BRAF: variants seen among roughly 807,000 people sequenced by gnomAD.
BRAF encodes serine/threonine-protein kinase B-raf.
Under a neutral mutation model 104.6 loss-of-function variants are expected in BRAF, and 16 were observed. That is an observed-to-expected ratio of 0.15 (90% CI 0.10 to 0.23). The LOEUF (loss-of-function observed/expected upper bound fraction) is 0.23. Ranked by LOEUF, BRAF falls within the 10% of genes least tolerant of loss-of-function variation. BRAF has a pLI of 1.00. For missense variants in BRAF, 541 were observed against 937.3 expected, an observed-to-expected ratio of 0.58 and a Z score of 5.52; for synonymous variants, 310 against 341.6, an observed-to-expected ratio of 0.91 and a Z score of 1.02.
In BRAF at chr7:140,720,024, A is replaced by G; in HGVS notation, c.*6470T>C. On this transcript the variant is annotated 3_prime_UTR_variant, in exon 20 of 20. Coordinates refer to ENST00000644969, the MANE Select transcript of BRAF (RefSeq NM_001374258.1). ...CTTACAGGAGTCATGTCCTCAAACC[A>G]AGGAATACATGAAAAGGGGGGATTT... The G allele has an allele frequency of 9.4e-7, 1 of 1,061,890 alleles. No individual in the cohort carries two copies. The allele number at this position is 1,061,890 out of a possible 1,614,324, so 65.8% of individuals were successfully genotyped here.
intron 2 of BRAF, among the ~76,000 whole-genome samples, chr7:140,846,403 A>T (rs1052759451): frequency 2.0e-5 from 3 of 152,240 alleles, no homozygotes; most frequent in Admixed American, 2.0e-4. Flanking sequence ...TAAATGAAAT[A>T]AGCCAGTCAC....
chr7:140,902,045 T>C (rs1255894913), intron 1 of BRAF, among the ~76,000 whole-genome samples: 1 of 152,246 alleles, frequency 6.6e-6, no homozygotes, highest in African/African-American at 2.4e-5. Context: ...TGCTTCATCA[T>C]ATTGTGCTTT....
At chr7:140,747,318 A>C in intron 17 of BRAF, 1 of 1,019,434 alleles carries the variant, frequency 9.8e-7, no homozygotes, top group Non-Finnish European at 1.2e-6. Flanking sequence ...CAAATTCCAG[A>C]AGGTTCTAAC....
rs775017588 is a variant in BRAF, at chr7:140,924,515, C to T, written c.138+51G>A. Reference sequence around the variant, plus strand: ...GCCTCTTTCCAAAATAAACACCAGCCAGCCGCCGAGCCCGGAGTCGGGAGG... The same window carrying T: ...GCCTCTTTCCAAAATAAACACCAGCTAGCCGCCGAGCCCGGAGTCGGGAGG... On this transcript the variant is annotated intron_variant, in intron 1 of 19. Coordinates refer to ENST00000644969, the MANE Select transcript of BRAF (RefSeq NM_001374258.1). The surrounding 1 kb of genome is among the most constrained non-coding windows in gnomAD (Gnocchi z 4.2). The T allele has an allele frequency of 6.5e-7, 1 of 1,532,700 alleles. No individual in the cohort carries two copies. The highest frequency in any genetic ancestry group is 1.2e-5 in the South Asian group (1 of 83,974). The allele number at this position is 1,532,700 out of a possible 1,614,324, so 94.9% of individuals were successfully genotyped here. A position where few individuals can be genotyped will look rare whatever the true frequency, so the allele number is the denominator to read the frequency against.
intron 1 of BRAF, among the ~76,000 whole-genome samples, chr7:140,882,371 CTTTTTTTTTTT>C (rs1232247923): frequency 1.6e-5 from 2 of 126,646 alleles, no homozygotes; most frequent in African/African-American, 6.0e-5. Context: ...ATCAAAGTAT[CTTTTTTTTTTT>C]TTTTTTTTTG....
rs1369170225 is a variant in BRAF at position 140,834,680 on chromosome 7, C to G, written c.433G>C (p.Ala145Pro). 1 of 1,614,126 alleles carries G rather than the reference C, an allele frequency of 6.2e-7. No homozygotes were observed. Residue 145 changes from alanine (A) to proline (P), a missense_variant, in exon 3 of 20, where the codon GCA becomes CCA. Around this residue, in one of 10 missense-constraint regions of BRAF, gnomAD observed 86 missense variants for 133.9 expected, o/e 0.64. Coordinates refer to ENST00000644969, the MANE Select transcript of BRAF (RefSeq NM_001374258.1). ...TGTGGTGACTTGGGGTTGCTCCGTG[C>G]CACATCTGTGGGATTTTGAAAAACT... ...LSVFQNPTDV[A>P]RSNPKSPQKP...
intron 1 of BRAF, among the ~76,000 whole-genome samples, chr7:140,876,134 C>G (rs563395745): frequency 2.0e-5 from 3 of 152,032 alleles, no homozygotes; most frequent in Admixed American, 6.5e-5. Context: ...TTAATAGAAA[C>G]GTAACATACA....
chr7:140,797,234 A>C (rs1586196232), intron 7 of BRAF, among the ~76,000 whole-genome samples: 1 of 152,196 alleles, frequency 6.6e-6, no homozygotes, highest in African/African-American at 2.4e-5. Flanking sequence ...AATCTAGAAT[A>C]TTTAAAAGTT....
intron 5 of BRAF, among the ~76,000 whole-genome samples, chr7:140,802,390 T>C (rs1409485019): frequency 6.8e-6 from 1 of 148,122 alleles, no homozygotes; most frequent in Non-Finnish European, 1.5e-5. Context: ...CTCCACCTCC[T>C]GGTTCAAGTG....
Position 140,722,688 on chromosome 7 carries a change from T to C in BRAF, c.*3806A>G. On this transcript the variant is annotated 3_prime_UTR_variant, in exon 20 of 20. Coordinates refer to ENST00000644969, the MANE Select transcript of BRAF (RefSeq NM_001374258.1). ...ATTCTACCCTCTTAGCTGGGTGGTC[T>C]TTCTATGAATGCCTGTGCATGTGAC... 3 of 1,051,756 alleles carry C rather than the reference T, an allele frequency of 2.9e-6. No individual in the cohort carries two copies. Among genetic ancestry groups the C allele is most frequent in the Non-Finnish European group, 3.4e-6 (3 of 870,746 alleles). 65.2% of individuals were successfully genotyped at this position (1,051,756 alleles called of 1,614,324 possible).
At position 140,789,511 on chromosome 7, in the gene BRAF, G is replaced by A. The variant is rs527525514; in HGVS notation, c.1141-1927C>T. ...CATTTTCTACAGAAAAATCAAATACGTACCTGAAAAGAAGGTGACAGGAGT... is the reference window on the plus strand; with the variant it reads ...CATTTTCTACAGAAAAATCAAATACATACCTGAAAAGAAGGTGACAGGAGT... On this transcript the variant is annotated intron_variant, in intron 8 of 19. Transcript: ENST00000644969. 1.2e-4 allele frequency among the ~76,000 whole-genome samples: 19 copies of A among 152,092 alleles called. No homozygotes were observed. The South Asian group carries it at 1.5e-3, about 12-fold the overall frequency.
At chr7:140,839,903 G>GT (rs1371247595) in intron 2 of BRAF, among the ~76,000 whole-genome samples, 1 of 152,128 alleles carries the variant, frequency 6.6e-6, no homozygotes, top group African/African-American at 2.4e-5. Context: ...ACAACCAAAA[G>GT]TAAGACTGCT....
Position 140,785,704 on chromosome 7 carries a change from C to T in BRAF, c.1282G>A (p.Gly428Ser), listed in dbSNP as rs2129029458. 1 of 399,078 alleles carries T rather than the reference C, an allele frequency of 2.5e-6. No individual in the cohort carries two copies. Among genetic ancestry groups the T allele is most frequent in the Middle Eastern group, 6.3e-4 (1 of 1,588 alleles). 24.7% of individuals were successfully genotyped at this position (399,078 alleles called of 1,614,324 possible). The change falls in exon 10 of 20, where the codon GGC becomes AGC. Residue 428 changes from glycine (G) to serine (S), a missense_variant. Transcript: ENST00000644969. ...GCCCAACTACCTCTGAACACTGGGC[C>T]AGGCTCAAAATCAAACACTATTTCA... ...PSEIVFDFEP[G>S]PVFRGSTTGL...
chr7:140,914,778 G>A (rs972347894), intron 1 of BRAF, among the ~76,000 whole-genome samples: 29 of 152,064 alleles, frequency 1.9e-4, no homozygotes, highest in African/African-American at 6.8e-4. Context: ...GGTGGCTCAT[G>A]CCTGTAATCC....
chr7:140,726,641 T>C (rs1795613881), intron 19 of BRAF: 3 of 881,036 alleles, frequency 3.4e-6, no homozygotes, highest in African/African-American at 1.7e-5. Flanking sequence ...AGCAACAGCA[T>C]TGCTAATTTA....
At chr7:140,899,686 T>G (rs1277290357) in intron 1 of BRAF, among the ~76,000 whole-genome samples, 1 of 152,200 alleles carries the variant, frequency 6.6e-6, no homozygotes, top group East Asian at 1.9e-4. Flanking sequence ...TTTTTCCAAT[T>G]TGGTGTTCTG....
rs373442098 is a variant in BRAF at position 140,734,774 on chromosome 7, C to CA, written c.2248-5dup. On this transcript the variant is annotated splice_region_variant and splice_polypyrimidine_tract_variant and intron_variant, in intron 18 of 19. Coordinates refer to ENST00000644969, the MANE Select transcript of BRAF (RefSeq NM_001374258.1). ...GCAGCTCAATAGAGGCGAGAATCTACAAAAAAAAAAAGAAAAAAAAAAGAA... is the reference window on the plus strand; with the variant it reads ...GCAGCTCAATAGAGGCGAGAATCTACAAAAAAAAAAAAGAAAAAAAAAAGAA... 0.15 allele frequency: 101,378 copies of CA among 676,340 alleles called. 424 individuals are homozygous for CA. The highest frequency in any genetic ancestry group is 0.17 in the South Asian group (5,472 of 32,940). The allele number at this position is 676,340 out of a possible 1,614,324, so 41.9% of individuals were successfully genotyped here.
Position 140,726,457 on chromosome 7 carries a change from A to G in BRAF, c.*37T>C, listed in dbSNP as rs3829814. 0.49 allele frequency: 746,667 copies of G among 1,535,572 alleles called. 197,936 individuals carry two copies. Among genetic ancestry groups the G allele is most frequent in the Non-Finnish European group, 0.56 (637,024 of 1,146,688 alleles). On this transcript the variant is annotated 3_prime_UTR_variant, in exon 20 of 20. Transcript: ENST00000644969. ...TGTTAACAAATTGTACGAACACAAG[A>G]CTTAAGAAATAAGAGCAGATGCTGC... is the stretch of plus-strand genomic sequence containing the variant.
intron 1 of BRAF, among the ~76,000 whole-genome samples, chr7:140,897,307 T>TA (rs934804992): frequency 5.1e-4 from 77 of 152,158 alleles, no homozygotes; most frequent in African/African-American, 1.8e-3. Context: ...GCTTTACAAA[T>TA]AAGTGAGAAA....
Sources: gnomAD v4.1 joint callset for allele counts (sites outside exome capture counted in the v4.1 genomes callset) on GRCh38, gnomAD v4.1.1 for gene constraint, gnomAD v4.1.1 regional missense constraint, Gnocchi (gnomAD v3.1) non-coding constraint, MANE v1.5 for transcripts, NCBI Gene and HGNC (gene_info 2026-07-23, HGNC 2026-07-21) for gene names.